The following TNNI3K variants were observed in gnomAD, a reference collection of about 807,000 sequenced individuals.
TNNI3K encodes the protein TNNI3 interacting kinase.
In TNNI3K, 140 loss-of-function variants were observed where a neutral mutation model predicts 114.5. The observed-to-expected ratio is 1.22, with a 90% CI of 1.07 to 1.41. The LOEUF is 1.41. Among genes scored for constraint, TNNI3K ranks in the 40% most tolerant of loss-of-function variants. The probability of loss-of-function intolerance (pLI) is 0.00; values close to 1 mark genes in which losing one functional copy is unlikely to be tolerated. For synonymous variants in TNNI3K, 347 were observed against 347.5 expected (o/e 1.00, Z 0.02); for missense variants, 1,125 against 1,007.6 (o/e 1.12, Z -1.58).
intron 23 of TNNI3K, among the ~76,000 whole-genome samples, chr1:74,497,932 C>A (rs921140121): frequency 1.3e-5 from 2 of 152,062 alleles, no homozygotes. Context: ...GTGATACTGT[C>A]GCTCTCTCTC....
chr1:74,519,691 C>A (rs1646402731), intron 23 of TNNI3K, among the ~76,000 whole-genome samples: 2 of 152,068 alleles, frequency 1.3e-5, no homozygotes, highest in Non-Finnish European at 2.9e-5. Context: ...AAAATAACCC[C>A]ACAGAATATA....
At chr1:74,260,388 AAAGACTGTCAGC>A (rs1255067693) in intron 4 of TNNI3K, among the ~76,000 whole-genome samples, 1 of 152,192 alleles carries the variant, frequency 6.6e-6, no homozygotes, top group Admixed American at 6.5e-5. Flanking sequence ...GTAGCTTAAG[AAAGACTGTCAGC>A]TTAGAAGCTA....
intron 17 of TNNI3K, among the ~76,000 whole-genome samples, chr1:74,417,730 G>GCA (rs1665197365): frequency 3.2e-5 from 4 of 124,126 alleles, no homozygotes; most frequent in African/African-American, 1.3e-4. Context: ...GTGTGTGTGT[G>GCA]TGTCAGAGAG....
intron 5 of TNNI3K, among the ~76,000 whole-genome samples, chr1:74,274,829 C>G (rs1167019073): frequency 6.6e-6 from 1 of 152,020 alleles, no homozygotes; most frequent in Non-Finnish European, 1.5e-5. Flanking sequence ...GTGCTCAGAA[C>G]TCTTACACTA....
intron 2 of TNNI3K, among the ~76,000 whole-genome samples, chr1:74,247,477 A>G (rs1226125732): frequency 6.6e-6 from 1 of 152,210 alleles, no homozygotes. Flanking sequence ...GAAAGGGGAC[A>G]CAAGCAAGTT....
At chr1:74,295,414 C>T (rs1039641691) in intron 5 of TNNI3K, among the ~76,000 whole-genome samples, 2 of 152,058 alleles carry the variant, frequency 1.3e-5, no homozygotes, top group East Asian at 1.9e-4. Flanking sequence ...TACTGTTTTA[C>T]GCATTTGTTC....
At chr1:74,435,329 G>A (rs945902473) in intron 17 of TNNI3K, among the ~76,000 whole-genome samples, 3 of 151,954 alleles carry the variant, frequency 2.0e-5, no homozygotes, top group Non-Finnish European at 4.4e-5. Flanking sequence ...ATACGTATGA[G>A]GCACAAGGTG....
chr1:74,378,594 T>TTTTA (rs1208785898), intron 17 of TNNI3K: 7 of 77,904 alleles, frequency 9.0e-5, no homozygotes, highest in Admixed American at 8.1e-4. Flanking sequence ...CAGTTTAATT[T>TTTTA]TATATATATA....
intron 21 of TNNI3K, chr1:74,469,899 T>C (rs1667839957): frequency 2.5e-6 from 1 of 400,510 alleles, no homozygotes; most frequent in African/African-American, 2.1e-5. Flanking sequence ...CTAAAGGTGA[T>C]GTAGTAGCAT....
intron 2 of TNNI3K, among the ~76,000 whole-genome samples, chr1:74,244,882 C>T (rs1000488813): frequency 1.3e-5 from 2 of 151,888 alleles, no homozygotes; most frequent in Non-Finnish European, 2.9e-5. Flanking sequence ...ACTTTTTACC[C>T]TCCTTTGCAT....
At chr1:74,316,752 CG>C (rs548522194) in intron 5 of TNNI3K, among the ~76,000 whole-genome samples, 2 of 151,774 alleles carry the variant, frequency 1.3e-5, no homozygotes, top group African/African-American at 4.8e-5. Context: ...TGCAGTGGCA[CG>C]ATCTTGGCTC....
chr1:74,249,583 A>G (rs1295822964), intron 3 of TNNI3K, 39 bp downstream of exon 3: 5 of 1,595,602 alleles, frequency 3.1e-6, no homozygotes, highest in Non-Finnish European at 4.3e-6. Context: ...AACTGGTTAT[A>G]TGTGTATATC....
intron 17 of TNNI3K, among the ~76,000 whole-genome samples, chr1:74,419,295 T>C (rs573920847): frequency 6.6e-6 from 1 of 152,096 alleles, no homozygotes; most frequent in Non-Finnish European, 1.5e-5. Context: ...ACACTTGTCA[T>C]TGGATTTAGG....
chr1:74,452,205 T>C (rs915907898), intron 20 of TNNI3K, among the ~76,000 whole-genome samples: 1 of 152,162 alleles, frequency 6.6e-6, no homozygotes, highest in African/African-American at 2.4e-5. Context: ...AAGTTCTGTT[T>C]CCTCAGTAAA....
intron 23 of TNNI3K, among the ~76,000 whole-genome samples, chr1:74,497,999 T>C (rs1393965426): frequency 1.3e-5 from 2 of 152,208 alleles, no homozygotes; most frequent in Admixed American, 6.5e-5. Flanking sequence ...TTTGTTTGTT[T>C]GTTTGTTTTT....
chr1:74,505,464 G>A (rs912290384), intron 23 of TNNI3K, among the ~76,000 whole-genome samples: 1 of 152,184 alleles, frequency 6.6e-6, no homozygotes, highest in Non-Finnish European at 1.5e-5. Context: ...TAATGATTCA[G>A]ATACAAGAGC....
intron 20 of TNNI3K, among the ~76,000 whole-genome samples, chr1:74,452,453 A>C (rs1667068414): frequency 6.6e-6 from 1 of 151,866 alleles, no homozygotes; most frequent in South Asian, 2.1e-4. Context: ...CGTTTTATTT[A>C]TTTCTCTCTT....
chr1:74,312,764 C>A (rs1659067189), intron 5 of TNNI3K, among the ~76,000 whole-genome samples: 1 of 152,216 alleles, frequency 6.6e-6, no homozygotes, highest in Non-Finnish European at 1.5e-5. Context: ...CCTGACATCT[C>A]TTCTTTTCAC....
At position 74,508,340 on chromosome 1, in the gene TNNI3K, A is replaced by T. The variant is rs765448140; in HGVS notation, c.2351+16074A>T. Among the ~76,000 whole-genome samples, 4 of 152,244 alleles carry T rather than the reference A, an allele frequency of 2.6e-5. 1 individual carries two copies. The East Asian group carries it at 7.7e-4, about 29-fold the overall frequency. Reference sequence around the variant, plus strand: ...ATACTGAGTTCTTATTTTGTACCAGATAACAGGCTATGGTACTTTAAATGT... The same window carrying T: ...ATACTGAGTTCTTATTTTGTACCAGTTAACAGGCTATGGTACTTTAAATGT... On this transcript the variant is annotated intron_variant, in intron 23 of 24. Coordinates refer to ENST00000326637, the MANE Select transcript of TNNI3K (RefSeq NM_015978.3).
Sources: gnomAD v4.1 joint callset for allele counts (sites outside exome capture counted in the v4.1 genomes callset) on GRCh38, gnomAD v4.1.1 for gene constraint, MANE v1.5 for transcripts, NCBI Gene and HGNC (gene_info 2026-07-23, HGNC 2026-07-21) for gene names.